Variants in GPATCH8 observed in about 807,000 individuals in gnomAD.
The protein encoded by GPATCH8 is G-patch domain containing 8.
A neutral mutation model predicts 118.3 loss-of-function variants in GPATCH8; 18 were observed. The observed-to-expected ratio is 0.15, with a 90% CI of 0.11 to 0.23. The LOEUF is 0.23. Ranked by LOEUF, GPATCH8 falls within the 10% of genes least tolerant of loss-of-function variation. The pLI is 1.00. For missense variants in GPATCH8, 1,631 were observed against 1,873.8 expected, an observed-to-expected ratio of 0.87 and a Z score of 2.39; for synonymous variants, 659 against 684.7, an observed-to-expected ratio of 0.96 and a Z score of 0.59.
At chr17:44,434,027 G>A (rs2050411124) in intron 5 of GPATCH8, among the ~76,000 whole-genome samples, 1 of 151,852 alleles carries the variant, frequency 6.6e-6, no homozygotes, top group Admixed American at 6.6e-5. Flanking sequence ...TGTAGTCCCA[G>A]CTACTCGGAG....
At chr17:44,483,005 A>T (rs1204206894) in intron 1 of GPATCH8, among the ~76,000 whole-genome samples, 1 of 146,876 alleles carries the variant, frequency 6.8e-6, no homozygotes, top group Admixed American at 6.8e-5. Flanking sequence ...AAATACAAAA[A>T]ATTAGCCAGG....
intron 1 of GPATCH8, among the ~76,000 whole-genome samples, chr17:44,497,649 C>T (rs539423460): frequency 6.6e-6 from 1 of 150,514 alleles, no homozygotes; most frequent in African/African-American, 2.4e-5. Flanking sequence ...ATCAAAAAAA[C>T]AGACTGTCAG....
rs150450658 is a variant in GPATCH8, at chr17:44,435,312, C to T, written c.262-161G>A. Among the ~76,000 whole-genome samples the T allele has an allele frequency of 5.9e-5, 9 of 151,940 alleles. No individual in the cohort carries two copies. The East Asian group carries it at 1.7e-3, about 29-fold the overall frequency. The stretch of plus-strand genomic sequence containing the variant: ...TATTGTCACCTCACAGAGAAAATCA[C>T]ATGCAAAATAGTTTGTTACTTTCAG... On this transcript the variant is annotated intron_variant, in intron 4 of 7. Coordinates refer to ENST00000591680, the MANE Select transcript of GPATCH8 (RefSeq NM_001002909.4).
chr17:44,497,774 T>C (rs1969771506), intron 1 of GPATCH8, among the ~76,000 whole-genome samples: 1 of 150,926 alleles, frequency 6.6e-6, no homozygotes. Flanking sequence ...ACCCCGTCTC[T>C]AAAAAAAGTA....
At chr17:44,444,805 T>C (rs116713951) in intron 3 of GPATCH8, among the ~76,000 whole-genome samples, 4 of 152,300 alleles carry the variant, frequency 2.6e-5, no homozygotes, top group African/African-American at 9.6e-5. Flanking sequence ...AGCACTTTTG[T>C]GCCCTGAGTT....
intron 1 of GPATCH8, among the ~76,000 whole-genome samples, chr17:44,481,308 C>G (rs547023519): frequency 6.6e-6 from 1 of 152,242 alleles, no homozygotes; most frequent in Non-Finnish European, 1.5e-5. Flanking sequence ...TTTATTTGTA[C>G]GCTAGAAACT....
chr17:44,495,275 AGT>A (rs1420000043), intron 1 of GPATCH8, among the ~76,000 whole-genome samples: 1 of 152,186 alleles, frequency 6.6e-6, no homozygotes, highest in Non-Finnish European at 1.5e-5. Flanking sequence ...TGGAGGTTGC[AGT>A]GAGCTGAGAT....
At chr17:44,477,588 TACC>T (rs1967875689) in intron 1 of GPATCH8, among the ~76,000 whole-genome samples, 1 of 151,768 alleles carries the variant, frequency 6.6e-6, no homozygotes, top group African/African-American at 2.4e-5. Context: ...ACACATATTT[TACC>T]ACAATAAAAA....
At chr17:44,441,761 G>T (rs887433331) in intron 3 of GPATCH8, among the ~76,000 whole-genome samples, 1 of 150,768 alleles carries the variant, frequency 6.6e-6, no homozygotes, top group Non-Finnish European at 1.5e-5. Context: ...GGGCACGGTG[G>T]CTCAGGCCTG....
chr17:44,409,594 G>C (rs1435281548), intron 6 of GPATCH8, among the ~76,000 whole-genome samples: 1 of 152,180 alleles, frequency 6.6e-6, no homozygotes, highest in Non-Finnish European at 1.5e-5. Flanking sequence ...AAGGCAGTAT[G>C]TGTAAAGCAT....
At chr17:44,499,611 A>G (rs1346970050) in intron 1 of GPATCH8, among the ~76,000 whole-genome samples, 1 of 152,236 alleles carries the variant, frequency 6.6e-6, no homozygotes, top group Non-Finnish European at 1.5e-5. Flanking sequence ...ATAAAATGCT[A>G]AGCACTGTTT....
chr17:44,424,915 A>T (rs2050036587), intron 5 of GPATCH8, among the ~76,000 whole-genome samples: 1 of 152,224 alleles, frequency 6.6e-6, no homozygotes, highest in African/African-American at 2.4e-5. Context: ...GTCATTCTAC[A>T]TATAAGCTGC....
At chr17:44,434,879 A>G (rs2050444058) in intron 5 of GPATCH8, among the ~76,000 whole-genome samples, 186 bp downstream of exon 5, 1 of 152,238 alleles carries the variant, frequency 6.6e-6, no homozygotes, top group African/African-American at 2.4e-5. Flanking sequence ...AGTAGGTATT[A>G]TTATCTCTAT....
chr17:44,486,065 T>C (rs905255719), intron 1 of GPATCH8: 1 of 152,162 alleles, frequency 6.6e-6, no homozygotes, highest in Non-Finnish European at 1.5e-5. Context: ...TGGCTAATTT[T>C]TGTTTGTTTA....
intron 6 of GPATCH8, among the ~76,000 whole-genome samples, chr17:44,407,461 T>C (rs1259856103): frequency 1.3e-5 from 2 of 152,134 alleles, no homozygotes; most frequent in East Asian, 1.9e-4. Context: ...CATATATATG[T>C]GTACATACAC....
At chr17:44,462,903 C>T (rs2144288520) in intron 3 of GPATCH8, among the ~76,000 whole-genome samples, 1 of 152,122 alleles carries the variant, frequency 6.6e-6, no homozygotes, top group East Asian at 1.9e-4. Context: ...ATGGCGTGAA[C>T]CCGGGAGGTG....
At chr17:44,500,287 G>A (rs1403548211) in intron 1 of GPATCH8, among the ~76,000 whole-genome samples, 1 of 152,134 alleles carries the variant, frequency 6.6e-6, no homozygotes, top group Admixed American at 6.6e-5. Context: ...AATTCTCTGT[G>A]CCTCAGCTGA....
intron 3 of GPATCH8, among the ~76,000 whole-genome samples, chr17:44,463,122 C>T (rs781348660): frequency 6.6e-6 from 1 of 152,032 alleles, no homozygotes; most frequent in Non-Finnish European, 1.5e-5. Flanking sequence ...GTCTTGCTAT[C>T]TCACCCAGGC....
In GPATCH8 at chr17:44,399,335, T is replaced by C. The variant is rs1317800528; in HGVS notation, c.2742A>G (p.Ser914=). The change falls in exon 8 of 8, where the codon TCA becomes TCG. Residue 914 remains serine, a synonymous_variant. Transcript: ENST00000591680. The stretch of plus-strand genomic sequence containing the variant: ...ATCGGTGTTTGGAGCTGGCATAGTC[T>C]GAGTCATCTGAGTCATGGGAGCGCT... ...HSKRSHDSDD[S]DYASSKHRSK... is the part of the protein sequence containing the mutation. 5.0e-6 allele frequency: 8 copies of C among 1,614,054 alleles called. No individual in the cohort carries two copies. The highest frequency in any genetic ancestry group is 5.9e-6 in the Non-Finnish European group (7 of 1,179,880).
Sources: gnomAD v4.1 joint callset for allele counts (sites outside exome capture counted in the v4.1 genomes callset) on GRCh38, gnomAD v4.1.1 for gene constraint, MANE v1.5 for transcripts, NCBI Gene and HGNC (gene_info 2026-07-23, HGNC 2026-07-21) for gene names.